Variants in PCDHGA12 observed in about 807,000 individuals in gnomAD.
PCDHGA12 encodes protocadherin gamma subfamily A, 12, also known as protocadherin gamma-A12.
PCDHGA12 carries 43 observed loss-of-function variants against 61.1 expected under a neutral mutation model. The ratio of observed to expected loss-of-function variants is 0.70; its 90% CI spans 0.55 to 0.91. PCDHGA12 has a LOEUF of 0.91. Ranked by LOEUF, PCDHGA12 falls within the 40% of genes least tolerant of loss-of-function variation. The pLI, the probability that PCDHGA12 is intolerant of heterozygous loss-of-function variation, is 0.00. For missense variants in PCDHGA12, 1,236 were observed against 1,227.7 expected, an observed-to-expected ratio of 1.01 and a Z score of -0.10; for synonymous variants, 520 against 542.9, an observed-to-expected ratio of 0.96 and a Z score of 0.59.
intron 3 of PCDHGA12, among the ~76,000 whole-genome samples, chr5:141,507,805 G>C (rs2099863746): frequency 6.6e-6 from 1 of 152,204 alleles, no homozygotes; most frequent in Non-Finnish European, 1.5e-5. Flanking sequence ...TGCGCCCTGG[G>C]GAACGGACCC....
At chr5:141,453,046 T>C (rs1561950003) in intron 1 of PCDHGA12, among the ~76,000 whole-genome samples, 1 of 152,186 alleles carries the variant, frequency 6.6e-6, no homozygotes, top group Non-Finnish European at 1.5e-5. Context: ...GTTTCTATTA[T>C]GTGCAGTTTT....
intron 2 of PCDHGA12, among the ~76,000 whole-genome samples, chr5:141,502,576 T>C (rs1226513508): frequency 6.6e-6 from 1 of 152,168 alleles, no homozygotes; most frequent in African/African-American, 2.4e-5. Flanking sequence ...ATTATAAAAA[T>C]ATATTTTTAT....
At chr5:141,481,323 C>T (rs539518691) in intron 1 of PCDHGA12, among the ~76,000 whole-genome samples, 1 of 152,284 alleles carries the variant, frequency 6.6e-6, no homozygotes, top group Non-Finnish European at 1.5e-5. Flanking sequence ...AAAGCACTAG[C>T]CCCTGGACAA....
chr5:141,461,258 A>G lies in PCDHGA12; in HGVS notation c.2424+28075A>G, dbSNP rs2099011921. Among the ~76,000 whole-genome samples, 4 of 152,104 alleles carry G rather than the reference A, an allele frequency of 2.6e-5. No individual in the cohort carries two copies. In the South Asian group the frequency reaches 8.3e-4, roughly 31 times the overall value. The stretch of plus-strand genomic sequence containing the variant: ...GTACTAATTTATATTCCCAGCAGCA[A>G]TGTGTAAGTGTTCTCTTTTCCCCAC... On this transcript the variant is annotated intron_variant, in intron 1 of 3. Transcript: ENST00000252085.
Position 141,490,479 on chromosome 5 carries a change from C to A in PCDHGA12, c.2425-4328C>A. 6.2e-7 allele frequency: 1 copy of A among 1,614,216 alleles called. No homozygotes were observed. Among genetic ancestry groups the A allele is most frequent in the South Asian group, 1.1e-5 (1 of 91,086 alleles). On this transcript the variant is annotated intron_variant, in intron 1 of 3. Transcript: ENST00000252085. The surrounding 1 kb of genome is among the most constrained non-coding windows in gnomAD (Gnocchi z 5.4). ...CGCTGCTAACCAGCCAGCCTTTGGA[C>A]CGGGAGGCCACATCCCACTATATCA...
Position 141,495,110 on chromosome 5 carries a change from T to C in PCDHGA12, c.2483+245T>C, listed in dbSNP as rs74534116. Among the ~76,000 whole-genome samples the C allele has an allele frequency of 3.9e-3, 595 of 152,212 alleles. 3 individuals carry two copies. The highest frequency in any genetic ancestry group is 0.013 in the African/African-American group (538 of 41,532). On this transcript the variant is annotated intron_variant, in intron 2 of 3. Coordinates refer to ENST00000252085, the MANE Select transcript of PCDHGA12 (RefSeq NM_003735.3). The stretch of plus-strand genomic sequence containing the variant: ...TTCCCTCCTCGCCACGACCGGCACC[T>C]TTTCCTATCCCCTGAGGGCACTGTG...
rs780436102 is a variant in PCDHGA12 at position 141,431,846 on chromosome 5, G to T, written c.1087G>T (p.Gly363Trp). The change falls in exon 1 of 4, where the codon GGG becomes TGG. Residue 363 changes from glycine to tryptophan, a missense_variant. Gly to Trp is a radical substitution (Grantham distance 184). Coordinates refer to ENST00000252085, the MANE Select transcript of PCDHGA12 (RefSeq NM_003735.3). The surrounding 1 kb of genome is among the most constrained non-coding windows in gnomAD (Gnocchi z 4.8). ...ASSVPENSPR[G>W]TLIALLNVND... ...CTCGGTTCCCGAAAACTCTCCCAGA[G>T]GGACATTAATTGCCCTTTTAAATGT... 4 of 1,614,274 alleles carry T rather than the reference G, an allele frequency of 2.5e-6. No homozygotes were observed. The South Asian group carries it at 4.4e-5, about 18-fold the overall frequency.
chr5:141,436,842 T>G (rs986680968), intron 1 of PCDHGA12, among the ~76,000 whole-genome samples: 3 of 152,376 alleles, frequency 2.0e-5, no homozygotes, highest in African/African-American at 7.2e-5. Flanking sequence ...CCTAGGCACA[T>G]TCTTGATTGA....
At chr5:141,450,211 T>TTTCA (rs1038674129) in intron 1 of PCDHGA12, among the ~76,000 whole-genome samples, 23 of 152,166 alleles carry the variant, frequency 1.5e-4, no homozygotes, top group African/African-American at 4.3e-4. Flanking sequence ...AGAGACAAGG[T>TTTCA]TTCACTATGT....
chr5:141,478,604 T>C (rs1425759709), intron 1 of PCDHGA12: 2 of 1,562,580 alleles, frequency 1.3e-6, no homozygotes, highest in South Asian at 2.3e-5. Context: ...CTACATCATA[T>C]TGAGGAAGGA....
At chr5:141,509,486 A>G (rs1022659275) in intron 3 of PCDHGA12, among the ~76,000 whole-genome samples, 10 of 152,132 alleles carry the variant, frequency 6.6e-5, no homozygotes, top group African/African-American at 2.4e-4. Flanking sequence ...GGTAGAGGTG[A>G]TGGCATGCTG....
chr5:141,430,796 C>A lies in PCDHGA12; in HGVS notation c.37C>A (p.Leu13Ile). 1 of 1,522,232 alleles carries A rather than the reference C, an allele frequency of 6.6e-7. No individual in the cohort carries two copies. The highest frequency in any genetic ancestry group is 1.8e-4 in the Middle Eastern group (1 of 5,628). 94.3% of individuals were successfully genotyped at this position (1,522,232 alleles called of 1,614,324 possible). Residue 13 changes from leucine (L) to isoleucine (I), a missense_variant, in exon 1 of 4, where the codon CTT (leucine) becomes ATT (isoleucine). Physicochemically the swap from Leu to Ile is conservative, Grantham distance 5. Transcript: ENST00000252085. ...GCGACTGCACCGGGACTACAAAGGG[C>A]TTGTCCTGCTGGGAATCCTCCTGGG... is the stretch of plus-strand genomic sequence containing the variant. ...PARLHRDYKG[L>I]VLLGILLGTL...
Position 141,511,380 on chromosome 5 carries a change from C to G in PCDHGA12, c.*207C>G. The G allele has an allele frequency of 7.7e-6, 9 of 1,170,490 alleles. No individual in the cohort carries two copies. The highest frequency in any genetic ancestry group is 1.1e-5 in the Non-Finnish European group (9 of 854,564). 72.5% of individuals were successfully genotyped at this position (1,170,490 alleles called of 1,614,324 possible). A position where few individuals can be genotyped will look rare whatever the true frequency, so the allele number is the denominator to read the frequency against. On this transcript the variant is annotated 3_prime_UTR_variant, in exon 4 of 4. Transcript: ENST00000252085. ...GGGGTTGAATATGCAAAAGCAGTTC[C>G]GCTGGGAACCCCCATCCAATCAACT...
intron 1 of PCDHGA12, among the ~76,000 whole-genome samples, chr5:141,457,620 A>G (rs2098925834): frequency 6.6e-6 from 1 of 152,234 alleles, no homozygotes; most frequent in Admixed American, 6.5e-5. Flanking sequence ...ATGAACTTTA[A>G]TCTTATACTT....
Position 141,490,055 on chromosome 5 carries a change from G to A in PCDHGA12, c.2425-4752G>A, listed in dbSNP as rs746297447. The A allele has an allele frequency of 1.9e-6, 3 of 1,614,068 alleles. No individual in the cohort carries two copies. The Admixed American group carries it at 5.0e-5, about 27-fold the overall frequency. On this transcript the variant is annotated intron_variant, in intron 1 of 3. Transcript: ENST00000252085. This position sits in a 1 kb window ranked among gnomAD's most constrained non-coding sequence, Gnocchi z 5.4. ...CTCAATGCCACTGATCCAGACGAGG[G>A]CACCAACGGCCAACTAGACTATTCT...
intron 1 of PCDHGA12, chr5:141,471,546 G>T (rs1271594387): frequency 6.6e-6 from 1 of 152,202 alleles, no homozygotes; most frequent in African/African-American, 2.4e-5. Flanking sequence ...AGCATTTAAG[G>T]TTGCTTTGAC....
rs1203060261 is a variant in PCDHGA12, at chr5:141,493,037, AG to A, written c.2425-1768del. 3.3e-5 allele frequency among the ~76,000 whole-genome samples: 5 copies of A among 152,252 alleles called. No individual in the cohort carries two copies. The highest frequency in any genetic ancestry group is 2.6e-4 in the Admixed American group (4 of 15,290). ...AGATGCCAGGGTGCCCTTATGTGTG[AG>A]GAAACTACAATAGTAAAAAACACAA... is the stretch of plus-strand genomic sequence containing the variant. On this transcript the variant is annotated intron_variant, in intron 1 of 3. Transcript: ENST00000252085. This position sits in a 1 kb window ranked among gnomAD's most constrained non-coding sequence, Gnocchi z 4.3.
At chr5:141,474,159 G>A (rs2154571930) in intron 1 of PCDHGA12, among the ~76,000 whole-genome samples, 1 of 152,226 alleles carries the variant, frequency 6.6e-6, no homozygotes, top group South Asian at 2.1e-4. Context: ...GAAAATGACA[G>A]GCCTTATTAT....
chr5:141,486,162 T>G lies in PCDHGA12; in HGVS notation c.2425-8645T>G, dbSNP rs763023343. ...GCTCGCGATGGGGGTTCTCCAGCCA[T>G]GGAGCAACATTGCAGCCTTCGAGTG... On this transcript the variant is annotated intron_variant, in intron 1 of 3. Coordinates refer to ENST00000252085, the MANE Select transcript of PCDHGA12 (RefSeq NM_003735.3). The surrounding 1 kb of genome is among the most constrained non-coding windows in gnomAD (Gnocchi z 5.0). The G allele has an allele frequency of 6.2e-7, 1 of 1,614,170 alleles. No individual in the cohort carries two copies. Among genetic ancestry groups the G allele is most frequent in the Non-Finnish European group, 8.5e-7 (1 of 1,180,026 alleles).
Sources: gnomAD v4.1 joint callset for allele counts (sites outside exome capture counted in the v4.1 genomes callset) on GRCh38, gnomAD v4.1.1 for gene constraint, Gnocchi (gnomAD v3.1) non-coding constraint, MANE v1.5 for transcripts, NCBI Gene and HGNC (gene_info 2026-07-23, HGNC 2026-07-21) for gene names.